MRPS31: variants seen among roughly 807,000 people sequenced by gnomAD.
MRPS31 encodes the protein mitochondrial ribosomal protein S31, also known as small ribosomal subunit protein mS31.
A neutral mutation model predicts 43.1 loss-of-function variants in MRPS31; 32 were observed. That is an observed-to-expected ratio of 0.74 (90% CI 0.56 to 1.00). The LOEUF (loss-of-function observed/expected upper bound fraction) is 1.00, where lower values mean the gene tolerates loss of function less well. MRPS31 is among the 50% of genes least tolerant of loss of function. The pLI, the probability that MRPS31 is intolerant of heterozygous loss-of-function variation, is 0.00. For missense variants in MRPS31, 437 were observed against 466.7 expected, an observed-to-expected ratio of 0.94 and a Z score of 0.59; for synonymous variants, 165 against 161.6, an observed-to-expected ratio of 1.02 and a Z score of -0.16.
At chr13:40,753,032 AAACT>A (rs146902307) in intron 5 of MRPS31, among the ~76,000 whole-genome samples, 6,834 of 152,250 alleles carry the variant, frequency 0.045, 313 homozygotes, top group East Asian at 0.14. Flanking sequence ...AATATCCAAA[AAACT>A]AACTTATTTT....
chr13:40,742,646 T>C (rs1437481827), intron 6 of MRPS31, among the ~76,000 whole-genome samples: 1 of 152,192 alleles, frequency 6.6e-6, no homozygotes, highest in African/African-American at 2.4e-5. Flanking sequence ...AATTTGAACT[T>C]TTCTCACTGT....
intron 2 of MRPS31, among the ~76,000 whole-genome samples, chr13:40,766,278 C>T (rs988954428): frequency 2.0e-5 from 3 of 151,732 alleles, no homozygotes; most frequent in Admixed American, 1.3e-4. Flanking sequence ...CAGCATTTCT[C>T]AAGTAATTAT....
At chr13:40,769,104 A>G (rs1880926963) in intron 1 of MRPS31, among the ~76,000 whole-genome samples, 1 of 151,920 alleles carries the variant, frequency 6.6e-6, no homozygotes, top group African/African-American at 2.4e-5. Context: ...TCAGCTGGGC[A>G]TGGTGGTGCA....
chr13:40,738,261 A>G (rs1356571918), intron 6 of MRPS31, among the ~76,000 whole-genome samples: 1 of 151,858 alleles, frequency 6.6e-6, no homozygotes, highest in Non-Finnish European at 1.5e-5. Context: ...CTCTGAATAG[A>G]CCAATAACAG....
intron 6 of MRPS31, among the ~76,000 whole-genome samples, chr13:40,734,389 G>A (rs182780434): frequency 1.7e-4 from 26 of 152,264 alleles, no homozygotes; most frequent in Non-Finnish European, 3.2e-4. Flanking sequence ...ATAGATGACA[G>A]CTACAGACAG....
At chr13:40,751,154 T>C (rs1420394987) in intron 5 of MRPS31, among the ~76,000 whole-genome samples, 1 of 152,188 alleles carries the variant, frequency 6.6e-6, no homozygotes, top group Non-Finnish European at 1.5e-5. Flanking sequence ...GATCATCTGA[T>C]ACTGGGAAAC....
intron 2 of MRPS31, among the ~76,000 whole-genome samples, chr13:40,761,683 T>C (rs1303580181): frequency 6.6e-6 from 1 of 152,170 alleles, no homozygotes; most frequent in Non-Finnish European, 1.5e-5. Context: ...ATTTCATTAA[T>C]ACAAACTTTT....
Position 40,756,873 on chromosome 13 carries a change from C to T in MRPS31, c.740G>A (p.Arg247Lys), listed in dbSNP as rs779933917. The change falls in exon 4 of 7, where the codon AGG (arginine) becomes AAG (lysine). Residue 247 changes from arginine (R) to lysine (K), a missense_variant and splice_region_variant. By Grantham distance (26) the Arg-to-Lys change is conservative. Coordinates refer to ENST00000323563, the MANE Select transcript of MRPS31 (RefSeq NM_005830.4). ...GQEKTDDLKK[R>K]KNIFTGKRLN... ...CCCAGCAGATTACAAAGCCTGATAC[C>T]TTTTTTTAAGATCATCCGTCTTCTC... is the stretch of plus-strand genomic sequence containing the variant. 2 of 1,612,330 alleles carry T rather than the reference C, an allele frequency of 1.2e-6. No individual in the cohort carries two copies. The highest frequency in any genetic ancestry group is 1.7e-5 in the Admixed American group (1 of 59,524).
chr13:40,737,857 C>T (rs1357713300), intron 6 of MRPS31, among the ~76,000 whole-genome samples: 2 of 151,784 alleles, frequency 1.3e-5, no homozygotes, highest in African/African-American at 4.8e-5. Flanking sequence ...AATTGACACC[C>T]TAACATCACA....
rs1880861176 is a variant in MRPS31, at chr13:40,766,823, G to A, written c.363C>T (p.Pro121=). 1 of 1,613,904 alleles carries A rather than the reference G, an allele frequency of 6.2e-7. No individual in the cohort carries two copies. The highest frequency in any genetic ancestry group is 1.7e-5 in the Admixed American group (1 of 59,976). Residue 121 remains proline (P), a synonymous_variant, in exon 2 of 7, where the codon CCC becomes CCT. Transcript: ENST00000323563. The part of the protein sequence containing the change: ...STVNVRTTKP[P]KRRPLKSLEA... ...CCAAACTTTTAAGTGGTCTTCTTTT[G>A]GGGGGCTTTGTTGTTCGTACATTTA...
intron 6 of MRPS31, among the ~76,000 whole-genome samples, 182 bp from the exon 7 acceptor site, chr13:40,729,783 G>C (rs1044327841): frequency 6.6e-6 from 1 of 150,740 alleles, no homozygotes; most frequent in Non-Finnish European, 1.5e-5. Context: ...GGTTGAAGTG[G>C]AGTGGCACGA....
chr13:40,748,249 C>T (rs1880294055), intron 6 of MRPS31, among the ~76,000 whole-genome samples: 1 of 152,126 alleles, frequency 6.6e-6, no homozygotes, highest in African/African-American at 2.4e-5. Flanking sequence ...CTTCTGCCTC[C>T]CGGGTTCAAA....
At position 40,766,776 on chromosome 13, in the gene MRPS31, C is replaced by T. The variant is rs199554814; in HGVS notation, c.410G>A (p.Arg137Gln). The change falls in exon 2 of 7, where the codon CGA becomes CAA. Residue 137 changes from arginine (R) to glutamine (Q), a missense_variant. Physicochemically the swap from Arg to Gln is conservative, Grantham distance 43 (BLOSUM62 1). Transcript: ENST00000323563. ...KSLEATLGRLRRATEYAPKKR... is the reference protein window; with the variant it reads ...KSLEATLGRLQRATEYAPKKR... ...CTTTGGAGCATATTCTGTAGCTCTTCGAAGCCTGCCAAGTGTAGCTTCCAA... is the reference window on the plus strand; with the variant it reads ...CTTTGGAGCATATTCTGTAGCTCTTTGAAGCCTGCCAAGTGTAGCTTCCAA... The T allele has an allele frequency of 1.5e-4, 249 of 1,611,982 alleles. No individual in the cohort carries two copies. The highest frequency in any genetic ancestry group is 3.3e-4 in the Middle Eastern group (2 of 6,072).
intron 2 of MRPS31, among the ~76,000 whole-genome samples, chr13:40,760,546 C>T (rs1566111080): frequency 6.6e-6 from 1 of 151,202 alleles, no homozygotes; most frequent in Non-Finnish European, 1.5e-5. Flanking sequence ...TAAGAAAAAG[C>T]TTTTAAAAGC....
At chr13:40,770,862 T>C in intron 1 of MRPS31, 123 bp downstream of exon 1, 2 of 1,304,690 alleles carry the variant, frequency 1.5e-6, no homozygotes, top group Non-Finnish European at 1.1e-6. Context: ...TCATCTTTTC[T>C]TTCTGGGATT....
chr13:40,737,196 T>C (rs1417367955), intron 6 of MRPS31, among the ~76,000 whole-genome samples: 1 of 151,564 alleles, frequency 6.6e-6, no homozygotes, highest in Admixed American at 6.6e-5. Flanking sequence ...GGCCATTACA[T>C]AATGGTAAAG....
intron 6 of MRPS31, 109 bp from the exon 7 acceptor site, chr13:40,729,710 T>C (rs1477430247): frequency 3.9e-6 from 3 of 767,914 alleles, no homozygotes; most frequent in Admixed American, 5.7e-5. Flanking sequence ...GCATGAACTT[T>C]GGAGTTAGAC....
At chr13:40,736,383 C>A (rs1047776894) in intron 6 of MRPS31, among the ~76,000 whole-genome samples, 2 of 150,658 alleles carry the variant, frequency 1.3e-5, no homozygotes, top group East Asian at 2.0e-4. Context: ...GAGAATTTAC[C>A]CAATCTAGCA....
In MRPS31 at chr13:40,729,609, A is replaced by G; in HGVS notation, c.959-8T>C. Reference sequence around the variant, plus strand: ...AACCATCATCATCAAAACCTAGGAAATGAGACCAAATACATTACATTATAA... The same window carrying G: ...AACCATCATCATCAAAACCTAGGAAGTGAGACCAAATACATTACATTATAA... On this transcript the variant is annotated splice_region_variant and splice_polypyrimidine_tract_variant and intron_variant, in intron 6 of 6. Coordinates refer to ENST00000323563, the MANE Select transcript of MRPS31 (RefSeq NM_005830.4). 1.4e-6 allele frequency: 2 copies of G among 1,477,696 alleles called. No homozygotes were observed. The highest frequency in any genetic ancestry group is 1.7e-4 in the Middle Eastern group (1 of 5,828). The allele number at this position is 1,477,696 out of a possible 1,614,324, so 91.5% of individuals were successfully genotyped here.
Sources: allele counts gnomAD v4.1 joint callset (sites outside exome capture counted in the v4.1 genomes callset), GRCh38; gene constraint gnomAD v4.1.1; transcripts MANE v1.5; gene names NCBI Gene and HGNC (gene_info 2026-07-23, HGNC 2026-07-21).